Variants in THSD4 observed in about 807,000 individuals in gnomAD.
The protein encoded by THSD4 is thrombospondin type 1 domain containing 4.
A neutral mutation model predicts 119.0 loss-of-function variants in THSD4; 69 were observed. That is an observed-to-expected ratio of 0.58 (90% CI 0.48 to 0.71). The LOEUF (loss-of-function observed/expected upper bound fraction) is 0.71. Ranked by LOEUF, THSD4 falls within the 30% of genes least tolerant of loss-of-function variation. The pLI, the probability that THSD4 is intolerant of heterozygous loss-of-function variation, is 0.00. For synonymous variants in THSD4, 524 were observed against 540.4 expected (o/e 0.97, Z 0.42); for missense variants, 1,393 against 1,391.1 (o/e 1.00, Z -0.02).
At chr15:71,754,132 A>T (rs1181651187) in intron 14 of THSD4, among the ~76,000 whole-genome samples, 1 of 139,276 alleles carries the variant, frequency 7.2e-6, no homozygotes, top group African/African-American at 2.7e-5. Context: ...CCCAGGCTAG[A>T]GTACAGTGGC....
chr15:71,356,157 C>T (rs1324004916), intron 6 of THSD4, among the ~76,000 whole-genome samples: 4 of 152,256 alleles, frequency 2.6e-5, no homozygotes, highest in Non-Finnish European at 4.4e-5. Context: ...AGTGAGCCAC[C>T]ATGCCTGGCC....
intron 5 of THSD4, among the ~76,000 whole-genome samples, chr15:71,246,318 T>C (rs1296917417): frequency 3.9e-5 from 6 of 152,052 alleles, no homozygotes; most frequent in Admixed American, 3.9e-4. Context: ...GAGTAAGATC[T>C]CCCCTATCTG....
At chr15:71,182,026 C>A (rs2043534772) in intron 3 of THSD4, among the ~76,000 whole-genome samples, 1 of 152,160 alleles carries the variant, frequency 6.6e-6, no homozygotes, top group Admixed American at 6.5e-5. Flanking sequence ...AAGCTGGAGA[C>A]ACAAGGATAA....
At chr15:71,603,944 C>T (rs539607132) in intron 7 of THSD4, among the ~76,000 whole-genome samples, 1 of 152,142 alleles carries the variant, frequency 6.6e-6, no homozygotes, top group East Asian at 1.9e-4. Flanking sequence ...GAGAGAAGAA[C>T]TGAATATGGG....
chr15:71,592,796 GCTGA>G, intron 7 of THSD4, among the ~76,000 whole-genome samples: 1 of 152,142 alleles, frequency 6.6e-6, no homozygotes, highest in Non-Finnish European at 1.5e-5. Flanking sequence ...GAGTTTCAGT[GCTGA>G]CTGAGAGGAG....
At chr15:71,140,741 C>T (rs117292322) in intron 1 of THSD4, among the ~76,000 whole-genome samples, 2,374 of 152,266 alleles carry the variant, frequency 0.016, 33 homozygotes, top group Non-Finnish European at 0.022. Flanking sequence ...TTCACAATTT[C>T]GTGTACAATT....
At chr15:71,375,511 T>C (rs2046122776) in intron 6 of THSD4, among the ~76,000 whole-genome samples, 1 of 152,198 alleles carries the variant, frequency 6.6e-6, no homozygotes, top group Non-Finnish European at 1.5e-5. Flanking sequence ...CTGTGTCTTT[T>C]TTGGGAGCAG....
At chr15:71,705,834 A>G (rs872473) in intron 8 of THSD4, among the ~76,000 whole-genome samples, 8,170 of 152,278 alleles carry the variant, frequency 0.054, 294 homozygotes, top group Non-Finnish European at 0.083. Flanking sequence ...ATAATGAGGG[A>G]GATAAGTAAA....
intron 8 of THSD4, among the ~76,000 whole-genome samples, chr15:71,720,538 A>G (rs1298574272): frequency 6.6e-6 from 1 of 152,250 alleles, no homozygotes; most frequent in Non-Finnish European, 1.5e-5. Flanking sequence ...GGGTGTTACC[A>G]CATTCATAAT....
intron 7 of THSD4, among the ~76,000 whole-genome samples, chr15:71,534,842 G>A (rs1218018513): frequency 1.3e-5 from 2 of 152,136 alleles, no homozygotes; most frequent in Non-Finnish European, 1.5e-5. Flanking sequence ...GCCAGGTGTG[G>A]TGGTGGGTGT....
intron 1 of THSD4, among the ~76,000 whole-genome samples, chr15:71,129,057 C>T (rs1423230614): frequency 1.3e-5 from 2 of 152,118 alleles, no homozygotes; most frequent in African/African-American, 4.8e-5. Context: ...AGAGACTGGG[C>T]CCAAGGCATA....
At chr15:71,298,005 A>G (rs558359549) in intron 6 of THSD4, among the ~76,000 whole-genome samples, 31 of 152,290 alleles carry the variant, frequency 2.0e-4, no homozygotes, top group African/African-American at 7.2e-4. Flanking sequence ...GTCGTATCTA[A>G]GAATTCATTG....
intron 2 of THSD4, among the ~76,000 whole-genome samples, chr15:71,150,954 A>G (rs1342715837): frequency 2.0e-5 from 3 of 152,208 alleles, no homozygotes; most frequent in Non-Finnish European, 2.9e-5. Flanking sequence ...TGGGGAATAA[A>G]GTAGTGACAA....
At chr15:71,265,106 C>G (rs530828983) in intron 6 of THSD4, among the ~76,000 whole-genome samples, 1 of 152,146 alleles carries the variant, frequency 6.6e-6, no homozygotes, top group South Asian at 2.1e-4. Flanking sequence ...CATGCTTTCA[C>G]TGAGGCAGGG....
At chr15:71,752,475 T>C (rs1305120626) in intron 14 of THSD4, among the ~76,000 whole-genome samples, 3 of 152,228 alleles carry the variant, frequency 2.0e-5, no homozygotes, top group Non-Finnish European at 1.5e-5. Context: ...TTGGGTGCTA[T>C]GGTGTAAGTA....
At chr15:71,302,863 G>A (rs1031621250) in intron 6 of THSD4, among the ~76,000 whole-genome samples, 5 of 151,996 alleles carry the variant, frequency 3.3e-5, no homozygotes, top group Non-Finnish European at 5.9e-5. Flanking sequence ...GCCTCATTTA[G>A]CCCTACAACC....
In THSD4 at chr15:71,097,723, TA is replaced by T. The variant is rs2040236928; in HGVS notation, c.-80+718del. ...ACAGAAAGATGTATATATATATATA[TA>T]TATATTTTTTTTTTTAAGTCCAAAG... On this transcript the variant is annotated intron_variant, in intron 1 of 17. Transcript: ENST00000355327. 3.8e-5 allele frequency among the ~76,000 whole-genome samples: 5 copies of T among 133,030 alleles called. 1 individual carries two copies. The highest frequency in any genetic ancestry group is 4.9e-4 in the South Asian group (2 of 4,082). 87.3% of individuals were successfully genotyped at this position (133,030 alleles called of 152,430 possible).
intron 7 of THSD4, among the ~76,000 whole-genome samples, chr15:71,461,128 A>G (rs1165495389): frequency 6.6e-6 from 1 of 152,158 alleles, no homozygotes; most frequent in East Asian, 1.9e-4. Flanking sequence ...TGTTGTCAAG[A>G]TGTTAGTTGG....
chr15:71,310,524 G>A (rs1002618076), intron 6 of THSD4, among the ~76,000 whole-genome samples: 13 of 152,174 alleles, frequency 8.5e-5, no homozygotes, highest in South Asian at 8.3e-4. Context: ...TTGACAAAAA[G>A]GATGTGATCT....
Sources: gnomAD v4.1 joint callset for allele counts (sites outside exome capture counted in the v4.1 genomes callset) on GRCh38, gnomAD v4.1.1 for gene constraint, MANE v1.5 for transcripts, NCBI Gene and HGNC (gene_info 2026-07-23, HGNC 2026-07-21) for gene names.